THRAP3: variants seen among roughly 807,000 people sequenced by gnomAD.
THRAP3 encodes thyroid hormone receptor-associated protein 3.
A neutral mutation model predicts 101.0 loss-of-function variants in THRAP3; 16 were observed. The ratio of observed to expected loss-of-function variants is 0.16; its 90% CI spans 0.11 to 0.24. THRAP3 has a LOEUF of 0.24. Among genes scored for constraint, THRAP3 ranks in the 10% least tolerant of loss-of-function variants. The pLI is 1.00. For missense variants in THRAP3, 989 were observed against 1,202.7 expected (o/e 0.82, Z 2.63); for synonymous variants, 407 against 422.6 (o/e 0.96, Z 0.45).
intron 1 of THRAP3, among the ~76,000 whole-genome samples, chr1:36,229,423 G>GTTTTTTTTTTGT (rs1645001210): frequency 1.0e-4 from 4 of 38,920 alleles, no homozygotes; most frequent in Admixed American, 3.8e-4. Flanking sequence ...TTTTTTTTTT[G>GTTTTTTTTTTGT]TTTTTTTTTT....
At chr1:36,294,543 A>G (rs71651909) in intron 8 of THRAP3, among the ~76,000 whole-genome samples, 1,875 of 152,348 alleles carry the variant, frequency 0.012, 15 homozygotes, top group Non-Finnish European at 0.019. Context: ...TTGGGCTTTA[A>G]AAAAATCTTA....
intron 8 of THRAP3, 163 bp downstream of exon 8, chr1:36,294,098 A>C (rs958184564): frequency 1.5e-5 from 21 of 1,413,070 alleles, no homozygotes; most frequent in Non-Finnish European, 1.8e-5. Context: ...TTTTTATTAA[A>C]TGTATCAACA....
At chr1:36,242,250 G>C (rs4653168) in intron 1 of THRAP3, 147,179 of 152,274 alleles carry the variant, frequency 0.97, 71,354 homozygotes, top group Middle Eastern at 1. Context: ...CTCCTGGGCC[G>C]AAATGATCCT....
intron 1 of THRAP3, among the ~76,000 whole-genome samples, chr1:36,241,596 TCAGA>T (rs1383509280): frequency 3.4e-5 from 5 of 149,030 alleles, no homozygotes; most frequent in Admixed American, 6.7e-5. Context: ...TTTTTTTTTT[TCAGA>T]CAGAGTCTTG....
intron 6 of THRAP3, 152 bp downstream of exon 6, chr1:36,291,698 G>A: frequency 1.3e-6 from 1 of 772,686 alleles, no homozygotes; most frequent in Non-Finnish European, 2.0e-6. Context: ...CATTCAAGAA[G>A]CAGTTTCCAT....
chr1:36,234,865 C>T (rs1432890019), intron 1 of THRAP3, among the ~76,000 whole-genome samples: 3 of 129,306 alleles, frequency 2.3e-5, no homozygotes, highest in East Asian at 2.4e-4. Flanking sequence ...CCTAGGTTGG[C>T]GTGCAGTGGC....
At chr1:36,263,028 T>C (rs1273867090) in intron 2 of THRAP3, among the ~76,000 whole-genome samples, 1 of 145,640 alleles carries the variant, frequency 6.9e-6, no homozygotes, top group African/African-American at 2.5e-5. Context: ...GCCAGGATGG[T>C]CTCTATCTCC....
chr1:36,260,753 C>T (rs548537750), intron 2 of THRAP3, among the ~76,000 whole-genome samples: 1 of 145,342 alleles, frequency 6.9e-6, no homozygotes, highest in Non-Finnish European at 1.5e-5. Context: ...ACCCAGGAGG[C>T]GGAGCTTGCA....
intron 1 of THRAP3, among the ~76,000 whole-genome samples, chr1:36,250,636 G>A (rs1052506259): frequency 1.6e-4 from 24 of 151,746 alleles, no homozygotes; most frequent in African/African-American, 5.6e-4. Flanking sequence ...TAGAGGCTGG[G>A]CACAGTGGCC....
intron 1 of THRAP3, chr1:36,225,368 T>C (rs1395384884): frequency 6.6e-6 from 1 of 152,190 alleles, no homozygotes; most frequent in South Asian, 2.1e-4. Flanking sequence ...CCTGAACCAG[T>C]TGGCTTGGGT....
chr1:36,221,260 G>T (rs1051197079), upstream of THRAP3, among the ~76,000 whole-genome samples: 1 of 150,842 alleles, frequency 6.6e-6, no homozygotes, highest in Non-Finnish European at 1.5e-5. Context: ...ATGTAAAGTT[G>T]GTTGATAAGA....
upstream of THRAP3, among the ~76,000 whole-genome samples, chr1:36,220,953 C>CAAAA (rs1206488922): frequency 2.4e-3 from 106 of 44,352 alleles, 3 homozygotes; most frequent in African/African-American, 0.011. Flanking sequence ...GAGACTGTCT[C>CAAAA]AAAAAAAAAA....
intron 8 of THRAP3, among the ~76,000 whole-genome samples, chr1:36,296,173 G>A (rs1312168060): frequency 6.6e-6 from 1 of 151,592 alleles, no homozygotes; most frequent in Admixed American, 6.6e-5. Flanking sequence ...CAGGGTTTTG[G>A]TTGTTGCCCA....
At chr1:36,231,088 A>G (rs1331245496) in intron 1 of THRAP3, among the ~76,000 whole-genome samples, 2 of 151,984 alleles carry the variant, frequency 1.3e-5, no homozygotes, top group Admixed American at 6.6e-5. Flanking sequence ...CCTGTTCTGG[A>G]TATATCATAG....
intron 1 of THRAP3, chr1:36,242,050 TG>T: frequency 5.7e-6 from 1 of 175,076 alleles, no homozygotes; most frequent in South Asian, 1.5e-4. Flanking sequence ...ACAGTCCCGC[TG>T]GAATTAATTT....
At chr1:36,208,966 CTTTTTTTT>C in the THRAP3 span, among the ~76,000 whole-genome samples, 16 of 51,926 alleles carry the variant, frequency 3.1e-4, no homozygotes, top group South Asian at 9.7e-4. Flanking sequence ...CATGTCCAGC[CTTTTTTTT>C]TTTTTTTTTT....
upstream of THRAP3, among the ~76,000 whole-genome samples, chr1:36,223,549 G>T (rs1161978612): frequency 6.6e-6 from 1 of 152,186 alleles, no homozygotes; most frequent in Non-Finnish European, 1.5e-5. Flanking sequence ...TATGAGATGG[G>T]TCTTAAATGT....
intron 1 of THRAP3, among the ~76,000 whole-genome samples, chr1:36,246,079 A>T (rs536053239): frequency 6.6e-6 from 1 of 152,312 alleles, no homozygotes; most frequent in African/African-American, 2.4e-5. Flanking sequence ...CAGATCCAGG[A>T]TTGCACAGCT....
In THRAP3 at chr1:36,289,772, A is replaced by G. The variant is rs2124608703; in HGVS notation, c.1745+8A>G. ...TGATGAGGACCTCGCACGGTGAGAT[A>G]TGCTCCTTCTTGATCCTCAGTGCTT... On this transcript the variant is annotated splice_region_variant and intron_variant, in intron 5 of 11. Coordinates refer to ENST00000354618, the MANE Select transcript of THRAP3 (RefSeq NM_005119.4). 1 of 1,588,368 alleles carries G rather than the reference A, an allele frequency of 6.3e-7. No individual in the cohort carries two copies.
Sources: allele counts gnomAD v4.1 joint callset (sites outside exome capture counted in the v4.1 genomes callset), GRCh38; gene constraint gnomAD v4.1.1; transcripts MANE v1.5; gene names NCBI Gene and HGNC (gene_info 2026-07-23, HGNC 2026-07-21).